Variants in OR7E24 observed in about 807,000 individuals in gnomAD.
OR7E24 encodes olfactory receptor 7E24.
For synonymous variants in OR7E24, 130 were observed against 157.5 expected, an observed-to-expected ratio of 0.83 and a Z score of 1.31; for missense variants, 385 against 410.3, an observed-to-expected ratio of 0.94 and a Z score of 0.53.
chr19:9,220,187 G>A, the OR7E24 span, among the ~76,000 whole-genome samples: 2 of 152,176 alleles, frequency 1.3e-5, no homozygotes, highest in South Asian at 4.2e-4. Context: ...TTATCCTGGT[G>A]AGAACACTTA....
upstream of OR7E24, chr19:9,250,795 T>C (rs1206182232): frequency 5.8e-6 from 2 of 344,470 alleles, no homozygotes; most frequent in East Asian, 5.3e-5. Context: ...GGCTATATTT[T>C]ACCGTGATCA....
At chr19:9,226,345 T>A in the OR7E24 span, among the ~76,000 whole-genome samples, 5 of 152,250 alleles carry the variant, frequency 3.3e-5, no homozygotes, top group African/African-American at 1.2e-4. Flanking sequence ...ATTTATAACC[T>A]GATGTGTCCA....
chr19:9,237,803 T>C, the OR7E24 span, among the ~76,000 whole-genome samples: 1 of 152,220 alleles, frequency 6.6e-6, no homozygotes, highest in South Asian at 2.1e-4. Context: ...GTTTGGTTCT[T>C]AGTTTCCATC....
the OR7E24 span, among the ~76,000 whole-genome samples, chr19:9,217,129 G>C: frequency 2.5e-4 from 38 of 152,260 alleles, no homozygotes; most frequent in East Asian, 4.1e-3. Context: ...ACAAAAGCCT[G>C]TGGACTACAT....
upstream of OR7E24, among the ~76,000 whole-genome samples, chr19:9,244,556 G>A: frequency 6.6e-6 from 1 of 152,060 alleles, no homozygotes; most frequent in East Asian, 1.9e-4. Context: ...AACACAAAAT[G>A]GATCAAAGGC....
At chr19:9,238,306 A>G in the OR7E24 span, among the ~76,000 whole-genome samples, 2 of 151,580 alleles carry the variant, frequency 1.3e-5, no homozygotes, top group Admixed American at 1.3e-4. Context: ...TAAACAAAAA[A>G]ACAATGAAGT....
the OR7E24 span, chr19:9,214,153 A>G: frequency 3.7e-6 from 6 of 1,614,008 alleles, no homozygotes; most frequent in African/African-American, 5.3e-5. Flanking sequence ...TTGGTGGAGG[A>G]CATTCCCATT....
chr19:9,226,293 C>A, the OR7E24 span, among the ~76,000 whole-genome samples: 1 of 152,236 alleles, frequency 6.6e-6, no homozygotes, highest in Non-Finnish European at 1.5e-5. Flanking sequence ...CACTCGCCAG[C>A]AGTTTTGCCA....
chr19:9,240,679 T>A, the OR7E24 span, among the ~76,000 whole-genome samples: 1 of 152,226 alleles, frequency 6.6e-6, no homozygotes, highest in Non-Finnish European at 1.5e-5. Flanking sequence ...ATATATCTAT[T>A]TTTTTGTTTT....
At chr19:9,237,944 C>G in the OR7E24 span, among the ~76,000 whole-genome samples, 1 of 152,082 alleles carries the variant, frequency 6.6e-6, no homozygotes, top group Non-Finnish European at 1.5e-5. Flanking sequence ...GTATAAAGTT[C>G]TAGTATCTCC....
At chr19:9,232,950 G>A in the OR7E24 span, among the ~76,000 whole-genome samples, 1 of 152,176 alleles carries the variant, frequency 6.6e-6, no homozygotes, top group Non-Finnish European at 1.5e-5. Context: ...CACTCATGTA[G>A]AAAGAGCACA....
chr19:9,215,119 C>T, the OR7E24 span, among the ~76,000 whole-genome samples: 2 of 151,982 alleles, frequency 1.3e-5, no homozygotes, highest in Non-Finnish European at 2.9e-5. Flanking sequence ...ACAAGGTGGG[C>T]AGATCACGAG....
the OR7E24 span, chr19:9,219,301 T>TA: frequency 6.6e-6 from 1 of 151,862 alleles, no homozygotes; most frequent in African/African-American, 2.4e-5. Context: ...GCAGGAGAGT[T>TA]AGAGACTGTT....
At chr19:9,225,966 C>T in the OR7E24 span, among the ~76,000 whole-genome samples, 8 of 152,322 alleles carry the variant, frequency 5.3e-5, no homozygotes, top group African/African-American at 1.9e-4. Flanking sequence ...TATGTTTGTG[C>T]CAAGCTTGCT....
the OR7E24 span, among the ~76,000 whole-genome samples, chr19:9,225,621 C>G: frequency 8.5e-5 from 13 of 152,298 alleles, no homozygotes; most frequent in African/African-American, 3.1e-4. Context: ...CACTGACCCT[C>G]CTTTTGTAAG....
the OR7E24 span, chr19:9,236,200 A>T: frequency 3.1e-6 from 2 of 637,902 alleles, no homozygotes; most frequent in Non-Finnish European, 5.4e-6. Flanking sequence ...TTTTCAAAGC[A>T]CCTACGACTT....
At chr19:9,237,624 T>G in the OR7E24 span, among the ~76,000 whole-genome samples, 1 of 152,174 alleles carries the variant, frequency 6.6e-6, no homozygotes, top group Admixed American at 6.6e-5. Context: ...CTAGATTGTT[T>G]TATTTGTTAA....
upstream of OR7E24, among the ~76,000 whole-genome samples, chr19:9,249,694 T>C (rs1040401983): frequency 1.3e-5 from 2 of 152,198 alleles, no homozygotes; most frequent in Non-Finnish European, 2.9e-5. Flanking sequence ...GGCTCACACC[T>C]GTAATCCCAG....
chr19:9,215,615 T>G, the OR7E24 span, among the ~76,000 whole-genome samples: 4 of 152,328 alleles, frequency 2.6e-5, no homozygotes, highest in African/African-American at 9.6e-5. Flanking sequence ...CTCAGGGCTT[T>G]CTTCCTTCCT....
Sources: gnomAD v4.1 joint callset for allele counts (sites outside exome capture counted in the v4.1 genomes callset) on GRCh38, gnomAD v4.1.1 for gene constraint, MANE v1.5 for transcripts, NCBI Gene and HGNC (gene_info 2026-07-23, HGNC 2026-07-21) for gene names.